The following MATN2 variants were observed in gnomAD, a reference collection of about 807,000 sequenced individuals.
The protein encoded by MATN2 is matrilin-2.
A neutral mutation model predicts 103.2 loss-of-function variants in MATN2; 69 were observed. That is an observed-to-expected ratio of 0.67 (90% CI 0.55 to 0.82). MATN2 has a LOEUF of 0.82. Ranked by LOEUF, MATN2 falls within the 40% of genes least tolerant of loss-of-function variation. MATN2 has a pLI of 0.00. For synonymous variants in MATN2, 429 were observed against 450.2 expected, an observed-to-expected ratio of 0.95 and a Z score of 0.60; for missense variants, 1,023 against 1,211.5, an observed-to-expected ratio of 0.84 and a Z score of 2.31.
At chr8:97,923,832 C>T (rs1341251935) in intron 2 of MATN2, among the ~76,000 whole-genome samples, 2 of 152,224 alleles carry the variant, frequency 1.3e-5, no homozygotes, top group African/African-American at 4.8e-5. Flanking sequence ...GCGGGGATTA[C>T]AGGCATGAGC....
chr8:97,959,779 A>C (rs1811247951), intron 4 of MATN2, among the ~76,000 whole-genome samples: 1 of 151,336 alleles, frequency 6.6e-6, no homozygotes, highest in Non-Finnish European at 1.5e-5. Context: ...TGTTGAATCA[A>C]ATCAGCTTTT....
chr8:97,947,412 C>T (rs1486690631), intron 4 of MATN2, among the ~76,000 whole-genome samples: 2 of 152,164 alleles, frequency 1.3e-5, no homozygotes, highest in Non-Finnish European at 2.9e-5. Context: ...ATGAGTTTAG[C>T]AATGTTGCAA....
At chr8:97,942,194 C>T (rs1810592290) in intron 4 of MATN2, among the ~76,000 whole-genome samples, 1 of 152,176 alleles carries the variant, frequency 6.6e-6, no homozygotes, top group East Asian at 1.9e-4. Flanking sequence ...TGTTCTTTAG[C>T]AGGGACTACT....
At chr8:97,952,208 G>C (rs1810976503) in intron 4 of MATN2, 1 of 152,194 alleles carries the variant, frequency 6.6e-6, no homozygotes, top group African/African-American at 2.4e-5. Context: ...TGAAATGGCA[G>C]CCCTAATAAC....
chr8:98,035,076 G>A (rs1361109740), intron 18 of MATN2, among the ~76,000 whole-genome samples: 1 of 151,692 alleles, frequency 6.6e-6, no homozygotes, highest in African/African-American at 2.4e-5. Flanking sequence ...AATAAAATAA[G>A]GCCGGGCACG....
At chr8:97,911,759 T>C (rs1809450351) in intron 2 of MATN2, among the ~76,000 whole-genome samples, 1 of 152,052 alleles carries the variant, frequency 6.6e-6, no homozygotes, top group Non-Finnish European at 1.5e-5. Flanking sequence ...ACCTAGCTGG[T>C]AGCAGAGTGG....
chr8:97,884,962 C>T (rs1259417952), intron 1 of MATN2, among the ~76,000 whole-genome samples: 1 of 152,184 alleles, frequency 6.6e-6, no homozygotes, highest in Non-Finnish European at 1.5e-5. Flanking sequence ...GGGTAAGTAA[C>T]CTGCTCAGGG....
chr8:97,883,406 G>A (rs190238885), intron 1 of MATN2, among the ~76,000 whole-genome samples: 101 of 151,224 alleles, frequency 6.7e-4, no homozygotes, highest in Non-Finnish European at 9.3e-4. Flanking sequence ...TGTTTGTTTT[G>A]AGACAGAGTC....
chr8:97,979,798 G>A (rs963542440), intron 6 of MATN2, among the ~76,000 whole-genome samples: 40 of 152,134 alleles, frequency 2.6e-4, no homozygotes, highest in Non-Finnish European at 5.4e-4. Flanking sequence ...TCAGAGACAT[G>A]CATCAGTGAG....
intron 5 of MATN2, among the ~76,000 whole-genome samples, chr8:97,968,418 T>A (rs192212074): frequency 1.3e-5 from 2 of 152,350 alleles, no homozygotes; most frequent in East Asian, 3.9e-4. Flanking sequence ...ATGGCTAGGC[T>A]GCAAATTTTC....
intron 5 of MATN2, among the ~76,000 whole-genome samples, chr8:97,970,292 T>A (rs564560580): frequency 6.6e-6 from 1 of 152,232 alleles, no homozygotes; most frequent in Non-Finnish European, 1.5e-5. Flanking sequence ...AACAGTAAAT[T>A]GACATGGTAT....
chr8:97,892,251 AG>A (rs1237909320), intron 2 of MATN2, among the ~76,000 whole-genome samples: 1 of 151,154 alleles, frequency 6.6e-6, no homozygotes, highest in African/African-American at 2.4e-5. Flanking sequence ...AAAAAAAGAA[AG>A]AAAAAAAAAA....
chr8:97,987,471 A>C (rs1010923690), intron 6 of MATN2, among the ~76,000 whole-genome samples: 1 of 152,212 alleles, frequency 6.6e-6, no homozygotes, highest in African/African-American at 2.4e-5. Context: ...AGTGTTTCTT[A>C]AGGGAGCAAT....
At position 98,009,908 on chromosome 8, in the gene MATN2, G is replaced by A. The variant is rs574508841; in HGVS notation, c.1573+2307G>A. On this transcript the variant is annotated intron_variant, in intron 10 of 18. Transcript: ENST00000254898. The stretch of plus-strand genomic sequence containing the variant: ...CTGCCCACTGGCCTGCAAGCTCCTG[G>A]AGGTTGGAGGTCAGAGGCCAACATG... Among the ~76,000 whole-genome samples, 3 of 152,326 alleles carry A rather than the reference G, an allele frequency of 2.0e-5. No individual in the cohort carries two copies. The East Asian group carries it at 5.8e-4, about 29-fold the overall frequency.
At chr8:97,958,591 T>C (rs1811211586) in intron 4 of MATN2, among the ~76,000 whole-genome samples, 1 of 152,214 alleles carries the variant, frequency 6.6e-6, no homozygotes, top group African/African-American at 2.4e-5. Flanking sequence ...GTTAATTTTC[T>C]CATCACCATT....
At chr8:97,887,006 C>G (rs973000524) in intron 1 of MATN2, among the ~76,000 whole-genome samples, 2 of 151,792 alleles carry the variant, frequency 1.3e-5, no homozygotes, top group African/African-American at 4.8e-5. Flanking sequence ...ATTCTTGTGC[C>G]TCGGCCTCCT....
At chr8:97,944,635 G>T (rs977960244) in intron 4 of MATN2, among the ~76,000 whole-genome samples, 1 of 152,136 alleles carries the variant, frequency 6.6e-6, no homozygotes, top group Non-Finnish European at 1.5e-5. Context: ...AAGATGGGAC[G>T]GGTGGTAACA....
intron 1 of MATN2, chr8:97,887,813 T>A (rs926465977): frequency 7.8e-6 from 2 of 257,046 alleles, no homozygotes; most frequent in African/African-American, 4.5e-5. Flanking sequence ...TCAGGATAGA[T>A]TTTTCTCAAG....
chr8:97,936,431 C>T (rs984398119), intron 3 of MATN2, among the ~76,000 whole-genome samples: 2 of 152,044 alleles, frequency 1.3e-5, no homozygotes, highest in Admixed American at 6.5e-5. Context: ...CTGGCCTGGG[C>T]AGTCTACACT....
Sources: gnomAD v4.1 joint callset for allele counts (sites outside exome capture counted in the v4.1 genomes callset) on GRCh38, gnomAD v4.1.1 for gene constraint, MANE v1.5 for transcripts, NCBI Gene and HGNC (gene_info 2026-07-23, HGNC 2026-07-21) for gene names.